L3MBTL3: variants seen among roughly 807,000 people sequenced by gnomAD.
The protein encoded by L3MBTL3 is lethal(3)malignant brain tumor-like protein 3.
In L3MBTL3, 27 loss-of-function variants were observed where a neutral mutation model predicts 102.3. That is an observed-to-expected ratio of 0.26 (90% CI 0.19 to 0.36). The LOEUF (loss-of-function observed/expected upper bound fraction) is 0.36. Among genes scored for constraint, L3MBTL3 ranks in the 10% least tolerant of loss-of-function variants. The pLI, the probability that L3MBTL3 is intolerant of heterozygous loss-of-function variation, is 1.00. For synonymous variants in L3MBTL3, 340 were observed against 320.9 expected, an observed-to-expected ratio of 1.06 and a Z score of -0.64; for missense variants, 798 against 955.3, an observed-to-expected ratio of 0.84 and a Z score of 2.17.
intron 2 of L3MBTL3, among the ~76,000 whole-genome samples, chr6:130,037,207 G>A (rs1284412676): frequency 6.6e-6 from 1 of 152,092 alleles, no homozygotes; most frequent in Admixed American, 6.5e-5. Context: ...TTATATTTAT[G>A]GAGACTGTAA....
chr6:130,092,833 C>T lies in L3MBTL3; in HGVS notation c.1607C>T (p.Thr536Ile). Residue 536 changes from threonine (T) to isoleucine (I), a missense_variant, in exon 17 of 23, where the codon ACA becomes ATA. Thr to Ile is a moderately conservative substitution (Grantham distance 89, BLOSUM62 -1). Coordinates refer to ENST00000361794, the MANE Select transcript of L3MBTL3 (RefSeq NM_032438.4). ...DIHPVGWCSK[T>I]GHPLQPPLSP... ...CACCCTGTAGGCTGGTGTTCAAAAA[C>T]AGGACATCCCCTTCAGCCTCCTTTG... 6.2e-7 allele frequency: 1 copy of T among 1,609,548 alleles called. No individual in the cohort carries two copies. Among genetic ancestry groups the T allele is most frequent in the Non-Finnish European group, 8.5e-7 (1 of 1,175,936 alleles).
intron 10 of L3MBTL3, among the ~76,000 whole-genome samples, chr6:130,063,573 T>C (rs1462046062): frequency 6.6e-6 from 1 of 152,206 alleles, no homozygotes; most frequent in Non-Finnish European, 1.5e-5. Flanking sequence ...TGTCTACTGA[T>C]CAGTGTGTAA....
At chr6:130,039,743 C>A (rs552731491) in intron 2 of L3MBTL3, among the ~76,000 whole-genome samples, 8 of 152,084 alleles carry the variant, frequency 5.3e-5, no homozygotes, top group African/African-American at 1.7e-4. Context: ...AACATTTTTG[C>A]AAATCTCTTT....
chr6:130,139,678 G>C lies in L3MBTL3; in HGVS notation c.2268G>C (p.Leu756=), dbSNP rs780210000. ...TDIVKIMSIK[L]GPALKIFNSI... ...TTGTTAAAATTATGAGCATTAAACT[G>C]GGCCCTGCTCTCAAAATTTTCAATT... The change falls in exon 23 of 23, where the codon CTG becomes CTC. Residue 756 remains leucine (L), a synonymous_variant. Coordinates refer to ENST00000361794, the MANE Select transcript of L3MBTL3 (RefSeq NM_032438.4). 4.3e-6 allele frequency: 7 copies of C among 1,611,104 alleles called. No homozygotes were observed. In the Admixed American group the frequency reaches 1.0e-4, roughly 23 times the overall value.
rs1340305900 is a variant in L3MBTL3 at position 130,141,035 on chromosome 6, A to T, written c.*1282A>T. 6.6e-6 allele frequency: 1 copy of T among 152,606 alleles called. No individual in the cohort carries two copies. The highest frequency in any genetic ancestry group is 1.5e-5 in the Non-Finnish European group (1 of 68,040). 9.5% of individuals were successfully genotyped at this position (152,606 alleles called of 1,614,324 possible). On this transcript the variant is annotated 3_prime_UTR_variant, in exon 23 of 23. Coordinates refer to ENST00000361794, the MANE Select transcript of L3MBTL3 (RefSeq NM_032438.4). Reference sequence around the variant, plus strand: ...GGTAGTGTTTCTTTTGCAAGAATGCATTTCTAAGGCAAAAGGTAAATTATT... The same window carrying T: ...GGTAGTGTTTCTTTTGCAAGAATGCTTTTCTAAGGCAAAAGGTAAATTATT...
intron 2 of L3MBTL3, among the ~76,000 whole-genome samples, chr6:130,025,320 C>G (rs1779276063): frequency 6.6e-6 from 1 of 152,144 alleles, no homozygotes; most frequent in Non-Finnish European, 1.5e-5. Context: ...GCTTCATTAT[C>G]TAACAGGAAT....
intron 14 of L3MBTL3, among the ~76,000 whole-genome samples, chr6:130,080,464 A>T (rs1270584275): frequency 6.6e-6 from 1 of 152,118 alleles, no homozygotes; most frequent in African/African-American, 2.4e-5. Flanking sequence ...CCAGTTTGTT[A>T]TCAGCCCTTC....
chr6:130,130,601 C>T (rs2114393361), intron 20 of L3MBTL3, among the ~76,000 whole-genome samples: 1 of 152,006 alleles, frequency 6.6e-6, no homozygotes. Context: ...CTGGGCAATT[C>T]AAAAAGAAAA....
intron 2 of L3MBTL3, among the ~76,000 whole-genome samples, chr6:130,036,369 TAAA>T (rs1780064447): frequency 6.6e-6 from 1 of 152,194 alleles, no homozygotes; most frequent in Non-Finnish European, 1.5e-5. Flanking sequence ...GACAACATAG[TAAA>T]TATTTTTATG....
chr6:130,025,219 A>G (rs1779270864), intron 2 of L3MBTL3, among the ~76,000 whole-genome samples: 1 of 152,200 alleles, frequency 6.6e-6, no homozygotes, highest in Admixed American at 6.5e-5. Context: ...TAGTGTCTTT[A>G]GAGAGAACTA....
In L3MBTL3 at chr6:130,046,386, A is replaced by G. The variant is rs1584314058; in HGVS notation, c.103-2896A>G. On this transcript the variant is annotated intron_variant, in intron 3 of 22. Transcript: ENST00000361794. ...TAAAACACACTGGTAAGTCGATTCA[A>G]ATCTCAGCATTGAAGGTAATAAAAT... is the stretch of plus-strand genomic sequence containing the variant. 3.3e-5 allele frequency among the ~76,000 whole-genome samples: 5 copies of G among 152,362 alleles called. No individual in the cohort carries two copies. In the South Asian group the frequency reaches 1.0e-3, roughly 32 times the overall value.
intron 20 of L3MBTL3, among the ~76,000 whole-genome samples, chr6:130,122,527 T>C (rs1786300394): frequency 6.6e-6 from 1 of 152,182 alleles, no homozygotes; most frequent in African/African-American, 2.4e-5. Flanking sequence ...CCTCATAAGA[T>C]TGTAATGAGG....
intron 20 of L3MBTL3, among the ~76,000 whole-genome samples, chr6:130,121,288 C>T (rs1786170004): frequency 6.6e-6 from 1 of 152,150 alleles, no homozygotes; most frequent in Non-Finnish European, 1.5e-5. Flanking sequence ...TGTAGGTTCT[C>T]ATCATTTAGC....
At chr6:130,030,463 C>T (rs1779643087) in intron 2 of L3MBTL3, among the ~76,000 whole-genome samples, 1 of 151,736 alleles carries the variant, frequency 6.6e-6, no homozygotes, top group Admixed American at 6.6e-5. Context: ...GAGATCGAGA[C>T]CATCCTGGCT....
intron 15 of L3MBTL3, among the ~76,000 whole-genome samples, chr6:130,085,120 C>T (rs977591010): frequency 2.0e-5 from 3 of 152,096 alleles, no homozygotes; most frequent in Admixed American, 6.6e-5. Flanking sequence ...TGAGCCACCG[C>T]GTCCTGCCCA....
chr6:130,019,328 G>C (rs996159570), intron 1 of L3MBTL3: 1 of 145,900 alleles, frequency 6.9e-6, no homozygotes, highest in African/African-American at 2.5e-5. Context: ...CGCGGGGGCG[G>C]CCGGGGCCGC....
intron 10 of L3MBTL3, among the ~76,000 whole-genome samples, chr6:130,065,973 C>T (rs776095884): frequency 6.6e-6 from 1 of 152,142 alleles, no homozygotes; most frequent in Non-Finnish European, 1.5e-5. Context: ...GGCAGACTGT[C>T]CACTCTGGGG....
At chr6:130,135,220 T>C (rs753929884) in intron 22 of L3MBTL3, among the ~76,000 whole-genome samples, 13 of 151,734 alleles carry the variant, frequency 8.6e-5, no homozygotes, top group South Asian at 6.3e-4. Flanking sequence ...GCCACCACGC[T>C]CGGCTAATTT....
At chr6:130,088,384 T>C (rs1783822952) in intron 16 of L3MBTL3, among the ~76,000 whole-genome samples, 1 of 152,052 alleles carries the variant, frequency 6.6e-6, no homozygotes, top group Admixed American at 6.6e-5. Context: ...AAGTGGGAGA[T>C]TAGACAGCAG....
Sources: gnomAD v4.1 joint callset for allele counts (sites outside exome capture counted in the v4.1 genomes callset) on GRCh38, gnomAD v4.1.1 for gene constraint, MANE v1.5 for transcripts, NCBI Gene and HGNC (gene_info 2026-07-23, HGNC 2026-07-21) for gene names.